Variants in CTNNA3 observed in about 807,000 individuals in gnomAD.
CTNNA3 encodes the protein catenin alpha-3.
Under a neutral mutation model 95.7 loss-of-function variants are expected in CTNNA3, and 76 were observed. That is an observed-to-expected ratio of 0.79 (90% CI 0.66 to 0.96). The LOEUF (loss-of-function observed/expected upper bound fraction) is 0.96. CTNNA3 is among the 40% of genes least tolerant of loss of function. CTNNA3 has a pLI of 0.00. For synonymous variants in CTNNA3, 431 were observed against 374.4 expected (o/e 1.15, Z -1.74); for missense variants, 1,191 against 1,089.8 (o/e 1.09, Z -1.31).
intron 5 of CTNNA3, among the ~76,000 whole-genome samples, chr10:67,462,916 T>C (rs900063469): frequency 4.6e-5 from 7 of 151,922 alleles, no homozygotes; most frequent in East Asian, 1.9e-4. Context: ...TTTTCTTTTT[T>C]TTTTTTGAGA....
chr10:66,830,666 G>T (rs7898324), intron 7 of CTNNA3, among the ~76,000 whole-genome samples: 103,552 of 151,346 alleles, frequency 0.68, 35,646 homozygotes, highest in Admixed American at 0.72. Flanking sequence ...CTGGAGTGCA[G>T]TGGTGCGATC....
In CTNNA3 at chr10:66,389,419, G is replaced by A. The variant is rs2092918750; in HGVS notation, c.1532-10067C>T. On this transcript the variant is annotated intron_variant, in intron 11 of 17. Coordinates refer to ENST00000433211, the MANE Select transcript of CTNNA3 (RefSeq NM_013266.4). ...GAGGTGAGGGGTGGAATGTCCTGGT[G>A]TTAGCGTAAATGCTGAAATGCATTC... Among the ~76,000 whole-genome samples, 3 of 152,100 alleles carry A rather than the reference G, an allele frequency of 2.0e-5. No homozygotes were observed. In the South Asian group the frequency reaches 6.2e-4, roughly 31 times the overall value.
chr10:66,221,163 C>T (rs17835257), intron 13 of CTNNA3, among the ~76,000 whole-genome samples: 12,036 of 152,242 alleles, frequency 0.079, 603 homozygotes, highest in Admixed American at 0.13. Flanking sequence ...CTAATCTTAT[C>T]AAGGATTGCA....
At chr10:67,611,810 G>T (rs967636469) in intron 2 of CTNNA3, among the ~76,000 whole-genome samples, 1 of 152,070 alleles carries the variant, frequency 6.6e-6, no homozygotes, top group Non-Finnish European at 1.5e-5. Context: ...GCTCACAGGA[G>T]CCTTCAGGGC....
At chr10:67,438,105 G>A (rs1846368361) in intron 5 of CTNNA3, among the ~76,000 whole-genome samples, 1 of 152,050 alleles carries the variant, frequency 6.6e-6, no homozygotes, top group South Asian at 2.1e-4. Flanking sequence ...AAATTAAGAG[G>A]AAAGGGTCAG....
chr10:66,838,178 G>T (rs1842942300), intron 7 of CTNNA3, among the ~76,000 whole-genome samples: 1 of 152,080 alleles, frequency 6.6e-6, no homozygotes, highest in African/African-American at 2.4e-5. Context: ...TAGGAAGCAG[G>T]CCAAGAACCA....
chr10:66,274,974 A>AT (rs1300020823), intron 13 of CTNNA3, among the ~76,000 whole-genome samples: 22 of 152,210 alleles, frequency 1.4e-4, no homozygotes, highest in Admixed American at 1.1e-3. Context: ...ATTACCGCTT[A>AT]TTTTATAATT....
intron 7 of CTNNA3, among the ~76,000 whole-genome samples, chr10:67,069,991 A>G (rs1439903668): frequency 1.3e-5 from 2 of 152,170 alleles, no homozygotes; most frequent in African/African-American, 2.4e-5. Flanking sequence ...TTTTCCAAAG[A>G]TGTTTCCATT....
In CTNNA3 at chr10:67,180,387, T is replaced by A; in HGVS notation, c.977A>T (p.Glu326Val). 6.2e-7 allele frequency: 1 copy of A among 1,613,676 alleles called. No homozygotes were observed. The highest frequency in any genetic ancestry group is 8.5e-7 in the Non-Finnish European group (1 of 1,179,858). The change falls in exon 7 of 18, where the codon GAG becomes GTG. Residue 326 changes from glutamate to valine, a missense_variant. Glu to Val is a moderately radical substitution (Grantham distance 121). Transcript: ENST00000433211. ...DSSCTRDLHR[E>V]RIIAECNAIR... is the part of the protein sequence containing the mutation. ...GGCGTTGCATTCTGCGATAATCCGC[T>A]CTCGGTGTAAGTCCCTCGTACATGA...
chr10:66,377,529 A>C (rs1440768188), intron 12 of CTNNA3, among the ~76,000 whole-genome samples: 3 of 152,096 alleles, frequency 2.0e-5, no homozygotes, highest in African/African-American at 7.2e-5. Flanking sequence ...CTGGTACCTC[A>C]AACAGAATTA....
At chr10:66,437,633 AT>A (rs2093347553) in intron 11 of CTNNA3, among the ~76,000 whole-genome samples, 1 of 151,964 alleles carries the variant, frequency 6.6e-6, no homozygotes, top group Non-Finnish European at 1.5e-5. Flanking sequence ...GCTTCCTTGC[AT>A]TTGGTTAGAA....
chr10:67,606,864 G>A lies in CTNNA3; in HGVS notation c.285C>T (p.Arg95=). 6.2e-7 allele frequency: 1 copy of A among 1,612,614 alleles called. No individual in the cohort carries two copies. The highest frequency in any genetic ancestry group is 8.5e-7 in the Non-Finnish European group (1 of 1,179,152). The part of the protein sequence containing the change: ...DELTASLEEV[R]KESEALKVSA... ...CAGGATTGGAGTACTCACTTTCTTT[G>A]CGAACTTCCTCAAGTGAAGCCGTAA... is the stretch of plus-strand genomic sequence containing the variant. The change falls in exon 3 of 18, where the codon CGC becomes CGT. Residue 95 remains arginine, a synonymous_variant. Transcript: ENST00000433211.
chr10:66,584,309 T>C (rs1445668645), intron 10 of CTNNA3, among the ~76,000 whole-genome samples: 3 of 151,924 alleles, frequency 2.0e-5, no homozygotes, highest in East Asian at 3.9e-4. Context: ...TGTGTTACTA[T>C]GTATTTTCTT....
chr10:67,493,332 C>A (rs549759688), intron 5 of CTNNA3, among the ~76,000 whole-genome samples: 8 of 151,960 alleles, frequency 5.3e-5, no homozygotes, highest in Non-Finnish European at 1.0e-4. Context: ...GAGGCCGAGG[C>A]GGGTGGATCA....
intron 5 of CTNNA3, among the ~76,000 whole-genome samples, chr10:67,278,656 C>T (rs1256517791): frequency 6.6e-6 from 1 of 152,128 alleles, no homozygotes; most frequent in East Asian, 1.9e-4. Flanking sequence ...AAAAACTTAC[C>T]TGCCTTTCAG....
intron 5 of CTNNA3, among the ~76,000 whole-genome samples, chr10:67,399,126 C>T (rs1589253324): frequency 1.3e-5 from 2 of 152,008 alleles, no homozygotes; most frequent in Non-Finnish European, 2.9e-5. Flanking sequence ...CTTGCTGTCT[C>T]AGTGGGGGCA....
intron 11 of CTNNA3, among the ~76,000 whole-genome samples, chr10:66,498,606 T>G (rs1840175589): frequency 6.6e-6 from 1 of 152,140 alleles, no homozygotes; most frequent in Non-Finnish European, 1.5e-5. Context: ...AAAATGAAAT[T>G]TAAAACACAT....
intron 17 of CTNNA3, among the ~76,000 whole-genome samples, chr10:65,931,755 A>G (rs188869200): frequency 2.0e-5 from 3 of 152,330 alleles, no homozygotes; most frequent in Admixed American, 6.5e-5. Flanking sequence ...AAACACAAAC[A>G]ATCTTCCAGA....
rs77786666 is a variant in CTNNA3, at chr10:66,746,161, C to T, written c.1281+20103G>A. On this transcript the variant is annotated intron_variant, in intron 9 of 17. Transcript: ENST00000433211. Reference sequence around the variant, plus strand: ...TCTGGCTGTCTTCGGTCCAATCAGACGTAACAAAGTTGGTTTTGCCATTGG... The same window carrying T: ...TCTGGCTGTCTTCGGTCCAATCAGATGTAACAAAGTTGGTTTTGCCATTGG... Among the ~76,000 whole-genome samples, 259 of 152,062 alleles carry T rather than the reference C, an allele frequency of 1.7e-3. 3 individuals carry two copies. Among genetic ancestry groups the T allele is most frequent in the African/African-American group, 6.0e-3 (248 of 41,488 alleles).
Sources: allele counts gnomAD v4.1 joint callset (sites outside exome capture counted in the v4.1 genomes callset), GRCh38; gene constraint gnomAD v4.1.1; transcripts MANE v1.5; gene names NCBI Gene and HGNC (gene_info 2026-07-23, HGNC 2026-07-21).